The following PPP1R12B variants were observed in gnomAD, a reference collection of about 807,000 sequenced individuals.
PPP1R12B encodes protein phosphatase 1 regulatory subunit 12B, also known as myosin phosphatase target subunit 2.
A neutral mutation model predicts 126.1 loss-of-function variants in PPP1R12B; 76 were observed. The ratio of observed to expected loss-of-function variants is 0.60; its 90% CI spans 0.50 to 0.73. PPP1R12B has a LOEUF of 0.73. Ranked by LOEUF, PPP1R12B falls within the 30% of genes least tolerant of loss-of-function variation. PPP1R12B has a pLI of 0.00. For missense variants in PPP1R12B, 1,052 were observed against 1,205.1 expected, an observed-to-expected ratio of 0.87 and a Z score of 1.88; for synonymous variants, 356 against 434.7, an observed-to-expected ratio of 0.82 and a Z score of 2.25.
At chr1:202,555,157 G>A (rs1686755266) in intron 18 of PPP1R12B, among the ~76,000 whole-genome samples, 1 of 151,714 alleles carries the variant, frequency 6.6e-6, no homozygotes, top group African/African-American at 2.4e-5. Flanking sequence ...ATACTATACA[G>A]CCATATATCT....
In PPP1R12B at chr1:202,495,681, A is replaced by G; in HGVS notation, c.2447A>G (p.Asp816Gly). 6.2e-7 allele frequency: 1 copy of G among 1,612,984 alleles called. No individual in the cohort carries two copies. The highest frequency in any genetic ancestry group is 8.5e-7 in the Non-Finnish European group (1 of 1,179,042). ...ACAGGCATCAATTTCTGGACAAAGG[A>G]TGTAAGTGGATTGGTCTGTGCTGAG... is the stretch of plus-strand genomic sequence containing the variant. ...RGTGINFWTK[D>G]EDETDGSEEV... The change falls in exon 17 of 24, where the codon GAT becomes GGT. Residue 816 changes from aspartate (D) to glycine (G), a missense_variant and splice_region_variant. Coordinates refer to ENST00000608999, the MANE Select transcript of PPP1R12B (RefSeq NM_002481.4).
chr1:202,573,674 A>G (rs1688830336), intron 23 of PPP1R12B, among the ~76,000 whole-genome samples: 1 of 152,180 alleles, frequency 6.6e-6, no homozygotes, highest in Non-Finnish European at 1.5e-5. Flanking sequence ...CAGAGTCGGC[A>G]GGCCTTTGAT....
Position 202,441,137 on chromosome 1 carries a change from G to A in PPP1R12B, c.1541+349G>A, listed in dbSNP as rs796594322. ...TTCCTAGCACAGTGCCTAACACATA[G>A]TAAACACTAAAATAATGTTATTTAA... On this transcript the variant is annotated intron_variant, in intron 11 of 23. Transcript: ENST00000608999. Among the ~76,000 whole-genome samples the A allele has an allele frequency of 3.3e-5, 5 of 152,158 alleles. 1 individual carries two copies. Among genetic ancestry groups the A allele is most frequent in the African/African-American group, 1.2e-4 (5 of 41,502 alleles).
intron 1 of PPP1R12B, among the ~76,000 whole-genome samples, chr1:202,400,102 G>C (rs917773138): frequency 2.0e-5 from 3 of 152,036 alleles, no homozygotes; most frequent in Non-Finnish European, 4.4e-5. Flanking sequence ...TTATAAGTGA[G>C]AACATGCAGA....
chr1:202,534,541 A>G (rs1455353330), intron 18 of PPP1R12B, among the ~76,000 whole-genome samples: 1 of 148,864 alleles, frequency 6.7e-6, no homozygotes, highest in Non-Finnish European at 1.5e-5. Context: ...TCATACCAAC[A>G]TGGGGTTCTT....
At chr1:202,570,902 T>A (rs1688529905) in intron 23 of PPP1R12B, among the ~76,000 whole-genome samples, 1 of 152,186 alleles carries the variant, frequency 6.6e-6, no homozygotes, top group Non-Finnish European at 1.5e-5. Flanking sequence ...ACCTCCTGAG[T>A]TATACCATCT....
At chr1:202,435,552 C>A (rs561646128) in intron 9 of PPP1R12B, among the ~76,000 whole-genome samples, 91 of 152,150 alleles carry the variant, frequency 6.0e-4, no homozygotes, top group African/African-American at 2.0e-3. Context: ...GTTGAAATAC[C>A]AGAGGCCCCT....
chr1:202,399,189 A>T (rs1013286614), intron 1 of PPP1R12B, among the ~76,000 whole-genome samples: 2 of 152,178 alleles, frequency 1.3e-5, no homozygotes, highest in African/African-American at 4.8e-5. Flanking sequence ...AATTATTTTC[A>T]TATTTAATTA....
At chr1:202,527,812 G>A (rs1683506632) in intron 18 of PPP1R12B, among the ~76,000 whole-genome samples, 1 of 150,546 alleles carries the variant, frequency 6.6e-6, no homozygotes, top group African/African-American at 2.4e-5. Context: ...ATAAAAAGAA[G>A]GAAGCGAGAA....
intron 13 of PPP1R12B, among the ~76,000 whole-genome samples, chr1:202,452,985 G>A (rs535241432): frequency 6.6e-6 from 1 of 152,062 alleles, no homozygotes; most frequent in South Asian, 2.1e-4. Context: ...TCTCTTGTCC[G>A]ATTGCTCTAG....
chr1:202,487,672 A>C (rs530992154), intron 13 of PPP1R12B, among the ~76,000 whole-genome samples: 1 of 151,148 alleles, frequency 6.6e-6, no homozygotes, highest in African/African-American at 2.4e-5. Context: ...GCAGTGGTGC[A>C]TTCTCAGCTT....
intron 13 of PPP1R12B, among the ~76,000 whole-genome samples, chr1:202,452,056 A>G (rs1673032377): frequency 6.7e-6 from 1 of 150,150 alleles, no homozygotes; most frequent in Non-Finnish European, 1.5e-5. Context: ...GGCGCTCCTC[A>G]CATCCCAGAC....
intron 23 of PPP1R12B, among the ~76,000 whole-genome samples, chr1:202,571,715 C>G (rs1455774711): frequency 6.6e-6 from 1 of 152,200 alleles, no homozygotes; most frequent in Non-Finnish European, 1.5e-5. Flanking sequence ...CTCGGCCTCC[C>G]AAAGTGCTGT....
At chr1:202,476,959 G>A (rs115909217) in intron 13 of PPP1R12B, among the ~76,000 whole-genome samples, 2,788 of 152,152 alleles carry the variant, frequency 0.018, 43 homozygotes, top group Non-Finnish European at 0.029. Context: ...TCTACTTGGA[G>A]TAGTTTTATT....
chr1:202,362,521 G>T (rs944370827), intron 1 of PPP1R12B, among the ~76,000 whole-genome samples: 16 of 152,150 alleles, frequency 1.1e-4, no homozygotes, highest in African/African-American at 3.9e-4. Context: ...AACTCTAAGT[G>T]CTTAACAGGT....
At chr1:202,360,273 A>G (rs982624006) in intron 1 of PPP1R12B, among the ~76,000 whole-genome samples, 8 of 152,214 alleles carry the variant, frequency 5.3e-5, no homozygotes, top group Admixed American at 5.2e-4. Context: ...GTGGCCATTG[A>G]TGGCCTGCAA....
intron 18 of PPP1R12B, among the ~76,000 whole-genome samples, chr1:202,521,660 G>C (rs1682805040): frequency 6.6e-6 from 1 of 152,146 alleles, no homozygotes; most frequent in Non-Finnish European, 1.5e-5. Flanking sequence ...AAATCTTTCA[G>C]AATGCAGTTT....
chr1:202,578,643 C>CA (rs1489628411), intron 23 of PPP1R12B, among the ~76,000 whole-genome samples: 1 of 152,186 alleles, frequency 6.6e-6, no homozygotes, highest in Non-Finnish European at 1.5e-5. Context: ...TGCCCTCCCA[C>CA]AGTCATGAGA....
intron 18 of PPP1R12B, among the ~76,000 whole-genome samples, chr1:202,507,447 A>C (rs1680934428): frequency 6.6e-6 from 1 of 152,212 alleles, no homozygotes. Flanking sequence ...GGGGGTGTTA[A>C]AAATATTTGT....
Sources: gnomAD v4.1 joint callset for allele counts (sites outside exome capture counted in the v4.1 genomes callset) on GRCh38, gnomAD v4.1.1 for gene constraint, MANE v1.5 for transcripts, NCBI Gene and HGNC (gene_info 2026-07-23, HGNC 2026-07-21) for gene names.